Variants in FKBP11 observed in about 807,000 individuals in gnomAD.
The protein encoded by FKBP11 is peptidyl-prolyl cis-trans isomerase FKBP11.
Under a neutral mutation model 24.7 loss-of-function variants are expected in FKBP11, and 21 were observed. The ratio of observed to expected loss-of-function variants is 0.85; its 90% CI spans 0.60 to 1.23. FKBP11 has a LOEUF of 1.23. FKBP11 is among the 50% of genes most tolerant of loss of function. The probability of loss-of-function intolerance (pLI) is 0.00; values close to 1 mark genes in which losing one functional copy is unlikely to be tolerated. For missense variants in FKBP11, 245 were observed against 248.7 expected (o/e 0.99, Z 0.10); for synonymous variants, 106 against 100.6 (o/e 1.05, Z -0.32).
chr12:48,922,032 G>T lies in FKBP11; in HGVS notation c.558C>A (p.Ser186=). The part of the protein sequence containing the change: ...LYRKANRPKV[S]KKKLKEEKRN... Reference sequence around the variant, plus strand: ...GTTTCTCTTCCTTGAGCTTCTTTTTGGAGACTTTGGGTCTATTGGCCTTTC... The same window carrying T: ...GTTTCTCTTCCTTGAGCTTCTTTTTTGAGACTTTGGGTCTATTGGCCTTTC... The change falls in exon 6 of 6, where the codon TCC becomes TCA. Residue 186 remains serine (S), a synonymous_variant. Coordinates refer to ENST00000550765, the MANE Select transcript of FKBP11 (RefSeq NM_016594.3). 1 of 1,611,708 alleles carries T rather than the reference G, an allele frequency of 6.2e-7. No homozygotes were observed. The highest frequency in any genetic ancestry group is 8.5e-7 in the Non-Finnish European group (1 of 1,178,938).
intron 2 of FKBP11, 117 bp downstream of exon 2, chr12:48,924,929 C>G (rs1939924936): frequency 6.9e-7 from 1 of 1,446,466 alleles, no homozygotes; most frequent in South Asian, 1.4e-5. Flanking sequence ...CTCGACGACC[C>G]CAGAGCCCCG....
chr12:48,923,449 G>A (rs1012023063), intron 5 of FKBP11: 273 of 1,546,708 alleles, frequency 1.8e-4, no homozygotes, highest in East Asian at 6.4e-4. Context: ...CTGACACAGC[G>A]TAGAGTTGTA....
At chr12:48,922,229 TAG>T in intron 5 of FKBP11, 28 bp from the exon 6 acceptor site, 3 of 1,577,676 alleles carry the variant, frequency 1.9e-6, no homozygotes, top group Non-Finnish European at 2.6e-6. Flanking sequence ...TGGAGAGGGT[TAG>T]ACTCTCTGCA....
the FKBP11 span, among the ~76,000 whole-genome samples, chr12:48,932,164 T>TAA: frequency 1.2e-3 from 115 of 94,612 alleles, 1 homozygote; most frequent in African/African-American, 3.6e-3. Context: ...TAAATAAAAG[T>TAA]AAAAATATAT....
chr12:48,938,759 G>C, the FKBP11 span: 1 of 670,808 alleles, frequency 1.5e-6, no homozygotes, highest in African/African-American at 1.8e-5. Context: ...ACAGCAATTA[G>C]GGATTGGTCA....
chr12:48,928,544 A>G (rs1940009676), upstream of FKBP11, among the ~76,000 whole-genome samples: 1 of 152,040 alleles, frequency 6.6e-6, no homozygotes. Flanking sequence ...TAATGCTGTG[A>G]TCTTGGCTCA....
intron 5 of FKBP11, chr12:48,923,455 T>C (rs920941416): frequency 1.5e-5 from 23 of 1,547,116 alleles, no homozygotes; most frequent in Non-Finnish European, 1.9e-5. Context: ...CAGCGTAGAG[T>C]TGTAGAAAAG....
chr12:48,935,685 A>C, the FKBP11 span: 3 of 152,238 alleles, frequency 2.0e-5, no homozygotes, highest in African/African-American at 7.2e-5. Context: ...ATGCAGGGCC[A>C]TCAGTTGTAA....
chr12:48,922,437 T>C (rs1277307858), intron 5 of FKBP11: 5 of 808,412 alleles, frequency 6.2e-6, no homozygotes, highest in Non-Finnish European at 8.5e-6. Flanking sequence ...TGACAAGTCT[T>C]TGAATGCAGG....
chr12:48,925,552 C>G, upstream of FKBP11: 1 of 1,204,292 alleles, frequency 8.3e-7, no homozygotes, highest in Non-Finnish European at 1.1e-6. Flanking sequence ...GATGCTAGAG[C>G]TCCTCCTCCT....
upstream of FKBP11, chr12:48,931,265 T>G (rs1406430425): frequency 1.6e-6 from 1 of 607,250 alleles, no homozygotes; most frequent in African/African-American, 1.9e-5. Context: ...ATCAGCAGAC[T>G]CGAACAGTGT....
chr12:48,937,209 A>C, the FKBP11 span: 1 of 152,290 alleles, frequency 6.6e-6, no homozygotes, highest in African/African-American at 2.4e-5. Flanking sequence ...TGCTATCAAC[A>C]AAAGTGGCCA....
chr12:48,929,452 A>T (rs566290816), upstream of FKBP11, among the ~76,000 whole-genome samples: 1 of 152,070 alleles, frequency 6.6e-6, no homozygotes, highest in African/African-American at 2.4e-5. Context: ...TCAAAAAATA[A>T]TAAGCCCCTG....
intron 5 of FKBP11, chr12:48,922,519 A>G (rs1304905339): frequency 9.9e-7 from 1 of 1,012,078 alleles, no homozygotes; most frequent in Non-Finnish European, 1.2e-6. Context: ...TATACTAACT[A>G]CTAATTTATC....
intron 4 of FKBP11, 101 bp from the exon 5 acceptor site, chr12:48,923,953 C>G (rs759724386): frequency 1.6e-6 from 2 of 1,225,576 alleles, no homozygotes; most frequent in South Asian, 2.4e-5. Flanking sequence ...AATCTTCACA[C>G]CCAAAACACG....
At chr12:48,924,029 C>T in intron 4 of FKBP11, 177 bp from the exon 5 acceptor site, 1 of 874,268 alleles carries the variant, frequency 1.1e-6, no homozygotes, top group Non-Finnish European at 1.9e-6. Context: ...TGTGCCTCAA[C>T]TCCCCCGACA....
At chr12:48,938,388 T>C in the FKBP11 span, 2 of 454,208 alleles carry the variant, frequency 4.4e-6, no homozygotes, top group African/African-American at 4.0e-5. Flanking sequence ...CAGTGGGCAG[T>C]GTCCTGGCTG....
intron 5 of FKBP11, chr12:48,923,371 C>T (rs530970509): frequency 1.0e-5 from 15 of 1,442,382 alleles, no homozygotes; most frequent in African/African-American, 2.9e-5. Context: ...AATCACTTGA[C>T]TGTGATTATT....
Position 48,925,492 on chromosome 12 carries a change from C to T in FKBP11, c.-64G>A. On this transcript the variant is annotated 5_prime_UTR_variant, in exon 1 of 6. Transcript: ENST00000550765. Reference sequence around the variant, plus strand: ...GCTGTTCGGGTGGCGGCAGCCAGGACAGCGTTCCCGCGGCGCCCAGGCCAG... The same window carrying T: ...GCTGTTCGGGTGGCGGCAGCCAGGATAGCGTTCCCGCGGCGCCCAGGCCAG... The T allele has an allele frequency of 5.3e-6, 8 of 1,511,456 alleles. No homozygotes were observed. The South Asian group carries it at 8.7e-5, about 16-fold the overall frequency. The allele number at this position is 1,511,456 out of a possible 1,614,324, so 93.6% of individuals were successfully genotyped here.
Sources: allele counts gnomAD v4.1 joint callset (sites outside exome capture counted in the v4.1 genomes callset), GRCh38; gene constraint gnomAD v4.1.1; transcripts MANE v1.5; gene names NCBI Gene and HGNC (gene_info 2026-07-23, HGNC 2026-07-21).